The following LRP1B variants were observed in gnomAD, a reference collection of about 807,000 sequenced individuals.
The protein encoded by LRP1B is low-density lipoprotein receptor-related protein 1B.
Under a neutral mutation model 556.6 loss-of-function variants are expected in LRP1B, and 217 were observed. The ratio of observed to expected loss-of-function variants is 0.39; its 90% confidence interval spans 0.35 to 0.44. The LOEUF is 0.44. LRP1B is among the 20% of genes least tolerant of loss of function. The pLI, the probability that LRP1B is intolerant of heterozygous loss-of-function variation, is 1.00. For missense variants in LRP1B, 5,053 were observed against 5,620.8 expected (o/e 0.90, Z 3.23); for synonymous variants, 2,047 against 1,865.8 (o/e 1.10, Z -2.50).
At chr2:141,041,447 C>T (rs999127941) in intron 11 of LRP1B, among the ~76,000 whole-genome samples, 7 of 152,088 alleles carry the variant, frequency 4.6e-5, no homozygotes, top group South Asian at 2.1e-4. Context: ...TTCTGGAAGC[C>T]ACCTGCCTTT....
chr2:141,695,397 AT>A (rs1350553786), intron 2 of LRP1B, among the ~76,000 whole-genome samples: 1 of 152,014 alleles, frequency 6.6e-6, no homozygotes, highest in East Asian at 1.9e-4. Context: ...TCATTGCAAA[AT>A]TGCCTAATAG....
chr2:141,219,498 G>A (rs183777269), intron 6 of LRP1B, among the ~76,000 whole-genome samples: 1 of 152,328 alleles, frequency 6.6e-6, no homozygotes, highest in East Asian at 1.9e-4. Context: ...CTTGAATTTA[G>A]TGGACCTAGT....
intron 1 of LRP1B, among the ~76,000 whole-genome samples, chr2:142,118,388 T>C (rs554410918): frequency 6.6e-6 from 1 of 152,274 alleles, no homozygotes; most frequent in African/African-American, 2.4e-5. Context: ...TGCTAGATTT[T>C]TCAGGTGTCT....
At chr2:140,264,933 G>C (rs779879554) in intron 86 of LRP1B, among the ~76,000 whole-genome samples, 4 of 145,114 alleles carry the variant, frequency 2.8e-5, no homozygotes, top group Non-Finnish European at 4.7e-5. Context: ...CAGACACCTA[G>C]GTGTGGAATG....
At chr2:140,742,314 CATT>C (rs1573650611) in intron 35 of LRP1B, among the ~76,000 whole-genome samples, 1 of 152,116 alleles carries the variant, frequency 6.6e-6, no homozygotes, top group South Asian at 2.1e-4. Context: ...TTTTAAGAAA[CATT>C]CTTCTTCATG....
intron 2 of LRP1B, among the ~76,000 whole-genome samples, chr2:141,759,495 T>A (rs1694453646): frequency 6.6e-6 from 1 of 152,086 alleles, no homozygotes; most frequent in African/African-American, 2.4e-5. Flanking sequence ...TTTAAAGAAA[T>A]GATTAAGCAT....
At chr2:141,204,800 G>T (rs537081833) in intron 6 of LRP1B, among the ~76,000 whole-genome samples, 5 of 151,980 alleles carry the variant, frequency 3.3e-5, no homozygotes, top group African/African-American at 1.2e-4. Flanking sequence ...AGCCAGGTGC[G>T]GTGGCAGGTG....
At chr2:141,593,242 C>G (rs892103649) in intron 2 of LRP1B, among the ~76,000 whole-genome samples, 2 of 152,154 alleles carry the variant, frequency 1.3e-5, no homozygotes, top group African/African-American at 2.4e-5. Flanking sequence ...AACCTGGACC[C>G]ATGAAAGATA....
chr2:140,344,953 C>T (rs1681577265), intron 77 of LRP1B, among the ~76,000 whole-genome samples: 1 of 151,578 alleles, frequency 6.6e-6, no homozygotes, highest in African/African-American at 2.4e-5. Flanking sequence ...GGTGATTCAC[C>T]TTAGAATCAT....
At chr2:141,289,381 CAAAA>C (rs34784985) in intron 3 of LRP1B, among the ~76,000 whole-genome samples, 122 of 43,454 alleles carry the variant, frequency 2.8e-3, no homozygotes, top group African/African-American at 0.011. Flanking sequence ...GACTCCATCT[CAAAA>C]AAAAAAAAAA....
chr2:140,413,802 A>C (rs951886422), intron 66 of LRP1B, among the ~76,000 whole-genome samples: 1 of 152,232 alleles, frequency 6.6e-6, no homozygotes, highest in Middle Eastern at 3.2e-3. Flanking sequence ...CAAGGCTGTC[A>C]TCTATTTATT....
At chr2:141,841,547 T>G (rs979716398) in intron 1 of LRP1B, among the ~76,000 whole-genome samples, 1 of 152,264 alleles carries the variant, frequency 6.6e-6, no homozygotes. Context: ...ATTCTCTGTG[T>G]GTAATCGTAG....
chr2:140,234,759 A>T lies in LRP1B; in HGVS notation c.13659+27T>A, dbSNP rs1573660852. 6.5e-6 allele frequency: 5 copies of T among 769,838 alleles called. No individual in the cohort carries two copies. In the East Asian group the frequency reaches 1.2e-4, roughly 19 times the overall value. 47.7% of individuals were successfully genotyped at this position (769,838 alleles called of 1,614,324 possible). The stretch of plus-strand genomic sequence containing the variant: ...GTGAGGGTTCTGTGATGAAACGGAC[A>T]TGAAATAACGAATATTCTTCTCTCA... On this transcript the variant is annotated intron_variant, in intron 90 of 90. Transcript: ENST00000389484.
chr2:141,927,566 CTTT>C (rs1220262820), intron 1 of LRP1B, among the ~76,000 whole-genome samples: 1 of 151,998 alleles, frequency 6.6e-6, no homozygotes, highest in Non-Finnish European at 1.5e-5. Flanking sequence ...TGCCATGCTT[CTTT>C]TGATTCCTTT....
chr2:140,792,144 C>T (rs1409985826), intron 32 of LRP1B, among the ~76,000 whole-genome samples: 1 of 152,138 alleles, frequency 6.6e-6, no homozygotes, highest in African/African-American at 2.4e-5. Flanking sequence ...CTTTCAAGCC[C>T]AAACCCCCTT....
intron 3 of LRP1B, among the ~76,000 whole-genome samples, chr2:141,277,643 TTTG>T (rs756410078): frequency 3.3e-5 from 5 of 151,796 alleles, no homozygotes; most frequent in South Asian, 2.1e-4. Context: ...GTATATATTT[TTTG>T]TTGTTGTTGT....
At chr2:141,480,958 AC>A (rs778022991) in intron 2 of LRP1B, among the ~76,000 whole-genome samples, 1 of 152,182 alleles carries the variant, frequency 6.6e-6, no homozygotes, top group Admixed American at 6.5e-5. Context: ...GGTAACAGGA[AC>A]AAAAATGTTT....
At chr2:140,532,947 T>TATATATATATATATATATATACAC in intron 47 of LRP1B, among the ~76,000 whole-genome samples, 3 of 124,320 alleles carry the variant, frequency 2.4e-5, no homozygotes, top group African/African-American at 6.3e-5. Flanking sequence ...TATATATATA[T>TATATATATATATATATATATACAC]ACACATATAT....
intron 3 of LRP1B, among the ~76,000 whole-genome samples, chr2:141,389,775 A>G (rs1689978554): frequency 6.6e-6 from 1 of 152,226 alleles, no homozygotes; most frequent in African/African-American, 2.4e-5. Flanking sequence ...TAATACTCTT[A>G]CAACTCAACA....
Sources: allele counts gnomAD v4.1 joint callset (sites outside exome capture counted in the v4.1 genomes callset), GRCh38; gene constraint gnomAD v4.1.1; transcripts MANE v1.5; gene names NCBI Gene and HGNC (gene_info 2026-07-23, HGNC 2026-07-21).